Variants in SNX6 observed in about 807,000 individuals in gnomAD.
SNX6 encodes the protein sorting nexin 6.
In SNX6, 34 loss-of-function variants were observed where a neutral mutation model predicts 63.0. That is an observed-to-expected ratio of 0.54 (90% confidence interval 0.41 to 0.72). The LOEUF (loss-of-function observed/expected upper bound fraction) is 0.72. Ranked by LOEUF, SNX6 falls within the 30% of genes least tolerant of loss-of-function variation. The pLI, the probability that SNX6 is intolerant of heterozygous loss-of-function variation, is 0.00. For synonymous variants in SNX6, 170 were observed against 164.2 expected (o/e 1.04, Z -0.27); for missense variants, 398 against 471.4 (o/e 0.84, Z 1.44).
intron 4 of SNX6, among the ~76,000 whole-genome samples, chr14:34,607,497 C>T (rs975947112): frequency 2.6e-5 from 4 of 151,848 alleles, no homozygotes; most frequent in Non-Finnish European, 5.9e-5. Flanking sequence ...GTAATCCCAG[C>T]GACTCAAGTG....
At chr14:34,593,963 G>A (rs531582287) in intron 7 of SNX6, among the ~76,000 whole-genome samples, 6 of 151,764 alleles carry the variant, frequency 4.0e-5, no homozygotes, top group African/African-American at 7.3e-5. Context: ...TGATCCGCGC[G>A]CCTCGGCCTC....
chr14:34,578,893 C>CGATCT (rs1294318888), intron 10 of SNX6, among the ~76,000 whole-genome samples: 2 of 125,082 alleles, frequency 1.6e-5, no homozygotes, highest in Non-Finnish European at 3.2e-5. Flanking sequence ...GAGCCAAGAT[C>CGATCT]GCGCCACTGC....
chr14:34,604,463 A>G (rs1882941349), intron 5 of SNX6, among the ~76,000 whole-genome samples: 1 of 152,166 alleles, frequency 6.6e-6, no homozygotes, highest in African/African-American at 2.4e-5. Flanking sequence ...TCCTGAAGAG[A>G]AGTATAGTAG....
intron 8 of SNX6, among the ~76,000 whole-genome samples, chr14:34,591,278 T>C (rs1277490655): frequency 6.6e-6 from 1 of 152,184 alleles, no homozygotes; most frequent in Non-Finnish European, 1.5e-5. Flanking sequence ...GTGGTTCTTT[T>C]ACATATATGA....
chr14:34,616,705 C>T (rs1022390147), intron 2 of SNX6, among the ~76,000 whole-genome samples: 1 of 152,120 alleles, frequency 6.6e-6, no homozygotes, highest in Admixed American at 6.6e-5. Context: ...ATTTTCTTCT[C>T]AGTTTAGCAA....
intron 4 of SNX6, among the ~76,000 whole-genome samples, chr14:34,607,060 G>A (rs986584366): frequency 9.2e-5 from 14 of 152,080 alleles, no homozygotes; most frequent in African/African-American, 3.4e-4. Flanking sequence ...TTACAGGCAT[G>A]AGCTACCGTG....
At chr14:34,567,614 TATCA>T (rs1938006972) in intron 13 of SNX6, 68 bp downstream of exon 13, 1 of 1,158,848 alleles carries the variant, frequency 8.6e-7, no homozygotes, top group Non-Finnish European at 1.3e-6. Context: ...ATTAAAGAAT[TATCA>T]ATGTCATAAC....
At chr14:34,619,274 T>C (rs987936418) in intron 2 of SNX6, among the ~76,000 whole-genome samples, 5 of 152,030 alleles carry the variant, frequency 3.3e-5, no homozygotes, top group Admixed American at 6.6e-5. Context: ...ATACAAAAAT[T>C]AGCTGGGTGC....
intron 13 of SNX6, 62 bp downstream of exon 13, chr14:34,567,624 A>G (rs1881245250): frequency 2.3e-6 from 3 of 1,278,674 alleles, no homozygotes; most frequent in Admixed American, 3.7e-5. Context: ...TATCAATGTC[A>G]TAACTGATTC....
At chr14:34,597,494 T>C (rs2138330618) in intron 7 of SNX6, 56 bp downstream of exon 7, 1 of 1,004,208 alleles carries the variant, frequency 1.0e-6, no homozygotes, top group Non-Finnish European at 1.5e-6. Context: ...TCTCAATCTA[T>C]CTCCCTTTTA....
At chr14:34,571,428 G>A (rs562578671) in intron 11 of SNX6, among the ~76,000 whole-genome samples, 8 of 151,728 alleles carry the variant, frequency 5.3e-5, no homozygotes, top group East Asian at 1.9e-4. Flanking sequence ...GTGAGACTCC[G>A]TCTCAAAAAA....
intron 2 of SNX6, among the ~76,000 whole-genome samples, chr14:34,614,043 G>T (rs1183520118): frequency 2.6e-5 from 4 of 151,366 alleles, no homozygotes; most frequent in African/African-American, 9.7e-5. Flanking sequence ...GGAGGCGGAA[G>T]TTGCAGTGAG....
At chr14:34,595,082 G>C (rs1882546238) in intron 7 of SNX6, among the ~76,000 whole-genome samples, 1 of 152,048 alleles carries the variant, frequency 6.6e-6, no homozygotes, top group African/African-American at 2.4e-5. Context: ...AACAGAGCAA[G>C]ACCCTGTCTC....
intron 2 of SNX6, chr14:34,629,533 G>T (rs964595319): frequency 3.9e-6 from 2 of 518,688 alleles, no homozygotes; most frequent in Non-Finnish European, 7.5e-6. Flanking sequence ...AATTGAGGGT[G>T]CCGCTGGGAA....
rs573328671 is a variant in SNX6, at chr14:34,563,294, C to T, written c.1168-119G>A. ...GTGTTAGAAGCCGGGCGCGGTGGCT[C>T]ATGCCTGTAATCCCAGCACTCTGGG... On this transcript the variant is annotated intron_variant, in intron 13 of 13. Coordinates refer to ENST00000362031, the MANE Select transcript of SNX6 (RefSeq NM_152233.4). 8.6e-5 allele frequency: 79 copies of T among 920,538 alleles called. No homozygotes were observed. In the African/African-American group the frequency reaches 1.1e-3, roughly 13 times the overall value. The allele number at this position is 920,538 out of a possible 1,614,324, so 57.0% of individuals were successfully genotyped here. A position where few individuals can be genotyped will look rare whatever the true frequency, so the allele number is the denominator to read the frequency against.
intron 2 of SNX6, chr14:34,629,458 C>G (rs1346306720): frequency 2.1e-6 from 1 of 465,634 alleles, no homozygotes; most frequent in Non-Finnish European, 4.3e-6. Flanking sequence ...TAGACTACAC[C>G]TGTACTATTT....
At chr14:34,607,976 G>T in intron 4 of SNX6, 54 bp downstream of exon 4, 1 of 875,082 alleles carries the variant, frequency 1.1e-6, no homozygotes, top group Non-Finnish European at 1.8e-6. Flanking sequence ...AAAACATAAC[G>T]AAGTACCTAA....
At chr14:34,603,832 T>G (rs1882915805) in intron 5 of SNX6, among the ~76,000 whole-genome samples, 1 of 152,154 alleles carries the variant, frequency 6.6e-6, no homozygotes, top group Non-Finnish European at 1.5e-5. Flanking sequence ...CAATATCCAA[T>G]GACTGCTTTT....
chr14:34,623,183 GTT>G (rs1316424741), intron 2 of SNX6, among the ~76,000 whole-genome samples: 2 of 152,262 alleles, frequency 1.3e-5, no homozygotes, highest in East Asian at 3.9e-4. Context: ...TGTGGCATGT[GTT>G]TAAGCTAAAA....
Sources: gnomAD v4.1 joint callset for allele counts (sites outside exome capture counted in the v4.1 genomes callset) on GRCh38, gnomAD v4.1.1 for gene constraint, MANE v1.5 for transcripts, NCBI Gene and HGNC (gene_info 2026-07-23, HGNC 2026-07-21) for gene names.